Variants in GTF2F2 observed in about 807,000 individuals in gnomAD.
GTF2F2 encodes the protein ATP-dependent helicase GTF2F2.
GTF2F2 carries 23 observed loss-of-function variants against 42.2 expected under a neutral mutation model. The observed-to-expected ratio is 0.55, with a 90% CI of 0.39 to 0.77. GTF2F2 has a LOEUF of 0.77. GTF2F2 is among the 30% of genes least tolerant of loss of function. GTF2F2 has a pLI of 0.00. For synonymous variants in GTF2F2, 105 were observed against 100.8 expected (o/e 1.04, Z -0.25); for missense variants, 261 against 287.2 (o/e 0.91, Z 0.66).
intron 4 of GTF2F2, among the ~76,000 whole-genome samples, chr13:45,202,636 A>G (rs1873249016): frequency 6.6e-6 from 1 of 152,170 alleles, no homozygotes; most frequent in South Asian, 2.1e-4. Context: ...TGCCTTAAAC[A>G]TTTTATCTTA....
intron 4 of GTF2F2, among the ~76,000 whole-genome samples, chr13:45,185,449 A>T (rs1249133103): frequency 2.0e-5 from 3 of 152,224 alleles, no homozygotes; most frequent in African/African-American, 7.2e-5. Flanking sequence ...TATTGTAAGC[A>T]CATGTAGACT....
intron 6 of GTF2F2, among the ~76,000 whole-genome samples, chr13:45,265,012 G>A (rs915281420): frequency 2.0e-5 from 3 of 152,124 alleles, no homozygotes; most frequent in Non-Finnish European, 2.9e-5. Context: ...TGTAATCCTA[G>A]CACTTTGGGA....
At chr13:45,218,912 T>C (rs1291583782) in intron 5 of GTF2F2, among the ~76,000 whole-genome samples, 1 of 152,232 alleles carries the variant, frequency 6.6e-6, no homozygotes, top group Admixed American at 6.5e-5. Context: ...TCTATCTGTC[T>C]TGCTTGAGAC....
chr13:45,230,995 T>C (rs1874647419), intron 5 of GTF2F2, among the ~76,000 whole-genome samples: 1 of 152,124 alleles, frequency 6.6e-6, no homozygotes, highest in Non-Finnish European at 1.5e-5. Flanking sequence ...ATTTAACTTC[T>C]TCAGGTTCAA....
intron 2 of GTF2F2, among the ~76,000 whole-genome samples, chr13:45,140,075 G>T (rs969569010): frequency 8.7e-5 from 13 of 150,118 alleles, no homozygotes; most frequent in African/African-American, 3.2e-4. Flanking sequence ...GTCTCACTCT[G>T]TTCCCAGGAC....
intron 2 of GTF2F2, among the ~76,000 whole-genome samples, chr13:45,145,476 T>G (rs1870146375): frequency 2.0e-5 from 3 of 152,174 alleles, no homozygotes; most frequent in Admixed American, 6.6e-5. Context: ...TTCCAAGGCC[T>G]TCTCAGTGAA....
chr13:45,143,788 G>A (rs1294281948), intron 2 of GTF2F2, among the ~76,000 whole-genome samples: 3 of 151,966 alleles, frequency 2.0e-5, no homozygotes, highest in Non-Finnish European at 4.4e-5. Flanking sequence ...CTTAATACTC[G>A]AAAAAAGGAG....
chr13:45,227,496 C>T (rs1874418285), intron 5 of GTF2F2, among the ~76,000 whole-genome samples: 1 of 152,032 alleles, frequency 6.6e-6, no homozygotes, highest in African/African-American at 2.4e-5. Flanking sequence ...CAAATTGTAC[C>T]CTTTATCTAC....
chr13:45,266,202 T>C (rs1362279680), intron 6 of GTF2F2, among the ~76,000 whole-genome samples: 1 of 152,198 alleles, frequency 6.6e-6, no homozygotes, highest in African/African-American at 2.4e-5. Context: ...TTTATTTGGA[T>C]AGTAGATACT....
Position 45,120,588 on chromosome 13 carries a change from C to G in GTF2F2, c.-68C>G. On this transcript the variant is annotated 5_prime_UTR_variant, in exon 1 of 8. Coordinates refer to ENST00000340473, the MANE Select transcript of GTF2F2 (RefSeq NM_004128.3). ...GCGGCTTGTCCTTTGTTCCGGACGC[C>G]CGCTCCTCAGCCCTGCGGCTCCTGG... 1.7e-6 allele frequency: 2 copies of G among 1,181,178 alleles called. No homozygotes were observed. The highest frequency in any genetic ancestry group is 2.5e-6 in the Non-Finnish European group (2 of 812,146). 73.2% of individuals were successfully genotyped at this position (1,181,178 alleles called of 1,614,324 possible).
chr13:45,193,943 C>G (rs1264676958), intron 4 of GTF2F2: 8 of 1,614,084 alleles, frequency 5.0e-6, no homozygotes, highest in Non-Finnish European at 6.8e-6. Flanking sequence ...TCCTTTAGTA[C>G]AAGTCGAGTG....
chr13:45,282,702 A>G (rs2138282646), intron 7 of GTF2F2, among the ~76,000 whole-genome samples: 1 of 152,138 alleles, frequency 6.6e-6, no homozygotes, highest in Non-Finnish European at 1.5e-5. Flanking sequence ...ACGGGGTTTC[A>G]CCATGTTGGC....
chr13:45,194,579 G>A (rs755078847), intron 4 of GTF2F2: 5 of 1,599,462 alleles, frequency 3.1e-6, no homozygotes, highest in Non-Finnish European at 4.3e-6. Flanking sequence ...TTTTGAAGAT[G>A]CTATTTCAGC....
intron 5 of GTF2F2, among the ~76,000 whole-genome samples, chr13:45,233,406 G>A (rs941206269): frequency 6.6e-6 from 1 of 152,148 alleles, no homozygotes; most frequent in African/African-American, 2.4e-5. Flanking sequence ...ACATGGGCAC[G>A]TGTTCATTCC....
intron 6 of GTF2F2, among the ~76,000 whole-genome samples, chr13:45,257,826 G>A (rs1454616389): frequency 6.6e-6 from 1 of 152,104 alleles, no homozygotes; most frequent in Non-Finnish European, 1.5e-5. Flanking sequence ...GCAGAAGAGC[G>A]GAAATGGGAC....
At chr13:45,157,833 C>T (rs527677813) in intron 4 of GTF2F2, among the ~76,000 whole-genome samples, 104 of 152,240 alleles carry the variant, frequency 6.8e-4, no homozygotes, top group African/African-American at 2.3e-3. Context: ...GTCCACCTGC[C>T]TCGGCCTCCC....
chr13:45,194,452 A>C, intron 4 of GTF2F2: 1 of 1,614,066 alleles, frequency 6.2e-7, no homozygotes, highest in Non-Finnish European at 8.5e-7. Context: ...ATATCCACCA[A>C]CGTTGAGGGT....
chr13:45,200,860 C>T (rs958252422), intron 4 of GTF2F2, among the ~76,000 whole-genome samples: 2 of 152,138 alleles, frequency 1.3e-5, no homozygotes, highest in Admixed American at 1.3e-4. Context: ...AGTCTTTTCC[C>T]AGAGAGTGTC....
intron 5 of GTF2F2, among the ~76,000 whole-genome samples, chr13:45,224,072 T>G (rs1874229089): frequency 6.6e-6 from 1 of 152,252 alleles, no homozygotes. Context: ...TAACTTTCTC[T>G]GTAACTTAGT....
Sources: gnomAD v4.1 joint callset for allele counts (sites outside exome capture counted in the v4.1 genomes callset) on GRCh38, gnomAD v4.1.1 for gene constraint, MANE v1.5 for transcripts, NCBI Gene and HGNC (gene_info 2026-07-23, HGNC 2026-07-21) for gene names.